GRID2: variants seen among roughly 807,000 people sequenced by gnomAD.
GRID2 encodes glutamate ionotropic receptor delta type subunit 2, also known as glutamate receptor ionotropic, delta-2.
Under a neutral mutation model 114.8 loss-of-function variants are expected in GRID2, and 33 were observed. The observed-to-expected ratio is 0.29, with a 90% confidence interval of 0.22 to 0.38. The LOEUF (loss-of-function observed/expected upper bound fraction) is 0.38. GRID2 is among the 10% of genes least tolerant of loss of function. The pLI, the probability that GRID2 is intolerant of heterozygous loss-of-function variation, is 1.00. For missense variants in GRID2, 1,184 were observed against 1,257.7 expected (o/e 0.94, Z 0.89); for synonymous variants, 505 against 449.9 (o/e 1.12, Z -1.55).
At chr4:93,059,157 T>G (rs948275452) in intron 2 of GRID2, among the ~76,000 whole-genome samples, 1 of 152,112 alleles carries the variant, frequency 6.6e-6, no homozygotes, top group Admixed American at 6.6e-5. Context: ...CACTCTTCCA[T>G]TTGATAACAT....
chr4:93,306,605 T>C (rs779359372), intron 8 of GRID2, among the ~76,000 whole-genome samples: 1 of 152,194 alleles, frequency 6.6e-6, no homozygotes, highest in Admixed American at 6.5e-5. Context: ...AGACTGATAA[T>C]TGTATACACT....
intron 8 of GRID2, among the ~76,000 whole-genome samples, chr4:93,279,585 C>T (rs1175163214): frequency 2.6e-5 from 4 of 151,576 alleles, no homozygotes; most frequent in African/African-American, 4.8e-5. Context: ...TATTATGAGT[C>T]GAGAAACTAC....
intron 3 of GRID2, among the ~76,000 whole-genome samples, chr4:93,100,543 G>C (rs1320409354): frequency 1.3e-5 from 2 of 151,840 alleles, no homozygotes; most frequent in Admixed American, 1.3e-4. Context: ...AGTCTCTTCA[G>C]CTCAATGATG....
intron 1 of GRID2, among the ~76,000 whole-genome samples, chr4:92,456,834 A>G (rs951226652): frequency 6.6e-6 from 1 of 152,110 alleles, no homozygotes; most frequent in Non-Finnish European, 1.5e-5. Context: ...AACAACTACT[A>G]GTCATCCTGC....
At chr4:93,090,411 C>T (rs1027289608) in intron 3 of GRID2, among the ~76,000 whole-genome samples, 1 of 152,118 alleles carries the variant, frequency 6.6e-6, no homozygotes, top group Admixed American at 6.6e-5. Context: ...ACAAAGATTC[C>T]ACCATTGCCC....
chr4:93,578,587 A>AT (rs59397408), intron 13 of GRID2, among the ~76,000 whole-genome samples: 5,694 of 83,822 alleles, frequency 0.068, 354 homozygotes, highest in African/African-American at 0.12. Flanking sequence ...TGTTTTTTGT[A>AT]TTTTTTTTTT....
At chr4:92,402,141 G>A (rs1043522795) in intron 1 of GRID2, among the ~76,000 whole-genome samples, 3 of 152,008 alleles carry the variant, frequency 2.0e-5, no homozygotes, top group Non-Finnish European at 4.4e-5. Flanking sequence ...CAGAACTCCA[G>A]GCATATCTTA....
At chr4:93,209,136 A>G (rs1486570183) in intron 5 of GRID2, among the ~76,000 whole-genome samples, 1 of 151,752 alleles carries the variant, frequency 6.6e-6, no homozygotes, top group Non-Finnish European at 1.5e-5. Flanking sequence ...TACGTGAGCA[A>G]GTTTGTATGT....
intron 1 of GRID2, among the ~76,000 whole-genome samples, chr4:92,516,234 C>A (rs1201012298): frequency 6.6e-6 from 1 of 151,876 alleles, no homozygotes; most frequent in Non-Finnish European, 1.5e-5. Flanking sequence ...TGGTAAGATG[C>A]AGTTTTGCTA....
At chr4:93,275,468 T>A (rs1186145282) in intron 8 of GRID2, among the ~76,000 whole-genome samples, 2 of 151,408 alleles carry the variant, frequency 1.3e-5, no homozygotes, top group East Asian at 1.9e-4. Context: ...ATAGAAATGA[T>A]CCTTCCTTTG....
intron 14 of GRID2, among the ~76,000 whole-genome samples, chr4:93,674,889 A>C (rs1174776638): frequency 6.6e-6 from 1 of 152,122 alleles, no homozygotes; most frequent in African/African-American, 2.4e-5. Flanking sequence ...ATTCTCAAAA[A>C]ATGTGTTCCA....
At chr4:92,883,778 A>G (rs1746180567) in intron 2 of GRID2, among the ~76,000 whole-genome samples, 1 of 152,170 alleles carries the variant, frequency 6.6e-6, no homozygotes, top group South Asian at 2.1e-4. Context: ...GTGGGTTTAA[A>G]ATATTCAGTA....
intron 13 of GRID2, among the ~76,000 whole-genome samples, chr4:93,593,115 T>C (rs865904035): frequency 3.9e-5 from 6 of 152,042 alleles, no homozygotes; most frequent in Non-Finnish European, 8.8e-5. Flanking sequence ...GTTAGCTGGT[T>C]ATTTTGCTTG....
chr4:93,769,429 C>G lies in GRID2; in HGVS notation c.2580C>G (p.Gly860=). 1.2e-6 allele frequency: 2 copies of G among 1,613,814 alleles called. No homozygotes were observed. The highest frequency in any genetic ancestry group is 2.2e-5 in the East Asian group (1 of 44,878). ...MLETWWNKRK[G]SRVPSKEDDK... ...AGACGTGGTGGAACAAGAGGAAAGG[C>G]TCCCGGGTTCCATCAAAAGAGGTAC... Residue 860 remains glycine, a synonymous_variant, in exon 15 of 16, where the codon GGC becomes GGG. Coordinates refer to ENST00000282020, the MANE Select transcript of GRID2 (RefSeq NM_001510.4).
intron 1 of GRID2, among the ~76,000 whole-genome samples, chr4:92,507,563 T>G (rs569530794): frequency 3.3e-4 from 50 of 152,074 alleles, no homozygotes; most frequent in Non-Finnish European, 6.8e-4. Context: ...TTTTTTTAAT[T>G]GAATAAAAAT....
intron 9 of GRID2, among the ~76,000 whole-genome samples, chr4:93,399,117 G>A (rs1032344025): frequency 2.6e-5 from 4 of 151,744 alleles, no homozygotes; most frequent in East Asian, 1.9e-4. Flanking sequence ...TCACCTAAAC[G>A]CAACCTCCCA....
chr4:93,678,674 A>G (rs1381453597), intron 14 of GRID2, among the ~76,000 whole-genome samples: 1 of 152,042 alleles, frequency 6.6e-6, no homozygotes, highest in African/African-American at 2.4e-5. Context: ...ATCCAGCCAA[A>G]CTAAGCTTCA....
intron 2 of GRID2, among the ~76,000 whole-genome samples, chr4:93,044,582 A>G (rs1725943866): frequency 6.6e-6 from 1 of 152,186 alleles, no homozygotes; most frequent in Non-Finnish European, 1.5e-5. Context: ...TAATGTTGAA[A>G]AATCAAAGAG....
intron 14 of GRID2, among the ~76,000 whole-genome samples, chr4:93,708,129 C>A (rs1175201080): frequency 6.6e-6 from 1 of 151,810 alleles, no homozygotes; most frequent in Non-Finnish European, 1.5e-5. Flanking sequence ...CTGAATGAAC[C>A]ATGTACTGAA....
Sources: allele counts gnomAD v4.1 joint callset (sites outside exome capture counted in the v4.1 genomes callset), GRCh38; gene constraint gnomAD v4.1.1; transcripts MANE v1.5; gene names NCBI Gene and HGNC (gene_info 2026-07-23, HGNC 2026-07-21).